The following KCNC4 variants were observed in gnomAD, a reference collection of about 807,000 sequenced individuals.
KCNC4 encodes voltage-gated potassium channel KCNC4.
A neutral mutation model predicts 42.8 loss-of-function variants in KCNC4; 23 were observed. The ratio of observed to expected loss-of-function variants is 0.54; its 90% CI spans 0.39 to 0.76. The LOEUF (loss-of-function observed/expected upper bound fraction) is 0.76. Ranked by LOEUF, KCNC4 falls within the 30% of genes least tolerant of loss-of-function variation. The pLI, the probability that KCNC4 is intolerant of heterozygous loss-of-function variation, is 0.00. For missense variants in KCNC4, 751 were observed against 898.2 expected (o/e 0.84, Z 2.10); for synonymous variants, 422 against 393.5 (o/e 1.07, Z -0.86).
At chr1:110,273,616 A>G (rs996288457) in intron 1 of KCNC4, among the ~76,000 whole-genome samples, 8 of 152,210 alleles carry the variant, frequency 5.3e-5, no homozygotes, top group Non-Finnish European at 1.0e-4. Flanking sequence ...CCTCTCCAGC[A>G]AATCGTGGAA....
rs55807673 is a variant in KCNC4 at position 110,223,144 on chromosome 1, G to A, written c.859G>A (p.Val287Ile). 11,590 of 1,614,210 alleles carry A rather than the reference G, an allele frequency of 7.2e-3. 54 individuals are homozygous for A. Among genetic ancestry groups the A allele is most frequent in the Non-Finnish European group, 8.7e-3 (10,295 of 1,180,040 alleles). Reference protein sequence around the residue: ...TEPILTYIEGVCVLWFTLEFL... With the variant: ...TEPILTYIEGICVLWFTLEFL... ...GCCCATCCTGACCTACATCGAGGGC[G>A]TATGTGTGCTGTGGTTCACACTGGA... The change falls in exon 2 of 4, where the codon GTA (valine) becomes ATA (isoleucine). Residue 287 changes from valine to isoleucine, a missense_variant. Around this residue, in one of 4 missense-constraint regions of KCNC4, gnomAD observed 181 missense variants for 167.3 expected, o/e 1.08. Coordinates refer to ENST00000438661, the MANE Select transcript of KCNC4 (RefSeq NM_001039574.3). This position sits in a 1 kb window ranked among gnomAD's most constrained non-coding sequence, Gnocchi z 7.5.
At chr1:110,254,101 C>T (rs5777008), downstream of KCNC4, among the ~76,000 whole-genome samples, 15 of 115,504 alleles carry the variant, frequency 1.3e-4, no homozygotes, top group South Asian at 3.2e-4. Flanking sequence ...GGGGGGGGGG[C>T]GGCGTTTCTG....
At chr1:110,257,614 G>A (rs566914660) in intron 1 of KCNC4, among the ~76,000 whole-genome samples, 1 of 151,568 alleles carries the variant, frequency 6.6e-6, no homozygotes, top group African/African-American at 2.4e-5. Flanking sequence ...CCAGCTACTC[G>A]GGAGGCTGAG....
chr1:110,247,071 C>T (rs964602777), exon 4 of KCNC4: 13 of 151,976 alleles, frequency 8.6e-5, no homozygotes, highest in Admixed American at 1.3e-4. Context: ...TTGCTGTAAA[C>T]GACATAATTT....
intron 1 of KCNC4, among the ~76,000 whole-genome samples, chr1:110,219,209 C>G (rs1269410143): frequency 3.9e-5 from 6 of 152,176 alleles, no homozygotes; most frequent in African/African-American, 1.4e-4. Flanking sequence ...AGCAAAGATT[C>G]TGTGGTATTT....
Position 110,211,086 on chromosome 1 carries a change from C to T in KCNC4, c.-414C>T, listed in dbSNP as rs1191521387. 1.3e-5 allele frequency among the ~76,000 whole-genome samples: 2 copies of T among 152,234 alleles called. No homozygotes were observed. The highest frequency in any genetic ancestry group is 2.9e-5 in the Non-Finnish European group (2 of 68,052). On this transcript the variant is annotated 5_prime_UTR_variant, in exon 1 of 4. Coordinates refer to ENST00000438661, the MANE Select transcript of KCNC4 (RefSeq NM_001039574.3). The surrounding 1 kb of genome is among the most constrained non-coding windows in gnomAD (Gnocchi z 6.5). ...TGCGGTCTTGGAGCCGGAGGGTGGC[C>T]CGTGTGAGCGCGAGCGCCCCGGACC...
intron 3 of KCNC4, among the ~76,000 whole-genome samples, chr1:110,228,223 G>A (rs1338209444): frequency 6.6e-6 from 1 of 152,218 alleles, no homozygotes; most frequent in East Asian, 1.9e-4. Context: ...TCCCTGGGAG[G>A]ATGGTGGCAG....
Position 110,226,084 on chromosome 1 carries a change from A to T in KCNC4, c.1725A>T (p.Arg575=). 1.2e-6 allele frequency: 2 copies of T among 1,613,848 alleles called. No homozygotes were observed. The highest frequency in any genetic ancestry group is 1.7e-4 in the Middle Eastern group (1 of 6,060). Reference sequence around the variant, plus strand: ...CCCCCGAGGAGCGCCGGGCCCTGCGACGCTCCACCACTCGAGACAGAAACA... The same window carrying T: ...CCCCCGAGGAGCGCCGGGCCCTGCGTCGCTCCACCACTCGAGACAGAAACA... ...SPTPEERRAL[R]RSTTRDRNKK... Residue 575 remains arginine, a synonymous_variant, in exon 3 of 4, where the codon CGA becomes CGT. Coordinates refer to ENST00000438661, the MANE Select transcript of KCNC4 (RefSeq NM_001039574.3).
intron 3 of KCNC4, among the ~76,000 whole-genome samples, chr1:110,230,668 G>A (rs920290096): frequency 6.6e-6 from 1 of 152,214 alleles, no homozygotes; most frequent in Non-Finnish European, 1.5e-5. Context: ...TTGCCAGGCT[G>A]GAGCCCTAAT....
exon 4 of KCNC4, chr1:110,242,017 T>C (rs943498361): frequency 6.6e-6 from 1 of 152,388 alleles, no homozygotes; most frequent in Non-Finnish European, 1.5e-5. Context: ...CCTGTCATTC[T>C]AGTCCATGGT....
intron 3 of KCNC4, among the ~76,000 whole-genome samples, chr1:110,227,898 T>A (rs1453886416): frequency 1.3e-5 from 2 of 152,122 alleles, no homozygotes; most frequent in Non-Finnish European, 2.9e-5. Context: ...AGAGCCAGCA[T>A]CTCACCATCC....
intron 1 of KCNC4, chr1:110,272,753 G>A (rs1206286069): frequency 6.6e-6 from 1 of 152,168 alleles, no homozygotes; most frequent in African/African-American, 2.4e-5. Context: ...AGGATACCTT[G>A]AGCCCTAACA....
intron 3 of KCNC4, 72 bp downstream of exon 3, chr1:110,226,250 C>T: frequency 7.5e-7 from 1 of 1,338,462 alleles, no homozygotes; most frequent in Non-Finnish European, 1.1e-6. Flanking sequence ...CACCAAGAGC[C>T]TGAGGTCCCC....
downstream of KCNC4, chr1:110,237,909 C>G (rs986778754): frequency 1.3e-5 from 2 of 152,272 alleles, no homozygotes; most frequent in African/African-American, 4.8e-5. Flanking sequence ...TGAGCACTTT[C>G]TTTCCGTTCC....
rs1432865027 is a variant in KCNC4, at chr1:110,268,531, G to A, written n.31-14003G>A. Among the ~76,000 whole-genome samples the A allele has an allele frequency of 2.7e-5, 4 of 149,908 alleles. No individual in the cohort carries two copies. In the East Asian group the frequency reaches 8.0e-4, roughly 30 times the overall value. Reference sequence around the variant, plus strand: ...TGAGGCGGGAGAATGGCGTGAACCCGGGAGGCAGAGTTTGCAGTGAGTCGA... The same window carrying A: ...TGAGGCGGGAGAATGGCGTGAACCCAGGAGGCAGAGTTTGCAGTGAGTCGA... On this transcript the variant is annotated intron_variant and non_coding_transcript_variant, in intron 1 of 2. Coordinates refer to the KCNC4 transcript ENST00000412512.
chr1:110,215,567 C>T (rs1412608035), intron 1 of KCNC4, among the ~76,000 whole-genome samples: 1 of 152,330 alleles, frequency 6.6e-6, no homozygotes, highest in East Asian at 1.9e-4. Context: ...CAGTTCCTCT[C>T]CTTTGGCTAA....
intron 2 of KCNC4, chr1:110,224,248 A>G: frequency 4.0e-6 from 1 of 250,618 alleles, no homozygotes; most frequent in South Asian, 1.1e-4. Flanking sequence ...GCACCTGTAA[A>G]ATGGGAATAA....
intron 3 of KCNC4, among the ~76,000 whole-genome samples, chr1:110,230,696 C>G (rs950278193): frequency 1.3e-5 from 2 of 152,210 alleles, no homozygotes; most frequent in African/African-American, 4.8e-5. Context: ...GGAGCTGGCT[C>G]CCACACATCC....
intron 1 of KCNC4, among the ~76,000 whole-genome samples, chr1:110,266,314 G>C (rs1347048765): frequency 6.6e-6 from 1 of 152,180 alleles, no homozygotes; most frequent in Non-Finnish European, 1.5e-5. Flanking sequence ...CTGCACCCTG[G>C]AGGGCTGAGT....
Sources: allele counts gnomAD v4.1 joint callset (sites outside exome capture counted in the v4.1 genomes callset), GRCh38; gene constraint gnomAD v4.1.1; regional missense constraint gnomAD v4.1.1; non-coding constraint Gnocchi (gnomAD v3.1); transcripts MANE v1.5; gene names NCBI Gene and HGNC (gene_info 2026-07-23, HGNC 2026-07-21).